SRFBP1: variants seen among roughly 807,000 people sequenced by gnomAD.
SRFBP1 encodes serum response factor binding protein 1, also known as serum response factor-binding protein 1.
In SRFBP1, 47 loss-of-function variants were observed where a neutral mutation model predicts 45.5. The observed-to-expected ratio is 1.03, with a 90% CI of 0.82 to 1.32. The LOEUF (loss-of-function observed/expected upper bound fraction) is 1.32, where lower values mean the gene tolerates loss of function less well. Among genes scored for constraint, SRFBP1 ranks in the 40% most tolerant of loss-of-function variants. SRFBP1 has a pLI of 0.00. For synonymous variants in SRFBP1, 203 were observed against 166.3 expected, an observed-to-expected ratio of 1.22 and a Z score of -1.70; for missense variants, 621 against 484.6, an observed-to-expected ratio of 1.28 and a Z score of -2.64.
At chr5:122,017,229 A>G (rs549821332) in intron 4 of SRFBP1, among the ~76,000 whole-genome samples, 2 of 152,190 alleles carry the variant, frequency 1.3e-5, no homozygotes, top group Admixed American at 6.5e-5. Context: ...GACTCCCAAC[A>G]ACAACAACAA....
chr5:122,037,963 T>A (rs1258187912), intron 2 of SRFBP1, among the ~76,000 whole-genome samples: 3 of 152,204 alleles, frequency 2.0e-5, no homozygotes, highest in Non-Finnish European at 4.4e-5. Flanking sequence ...GACTTAGGAA[T>A]TGCTTAATCC....
At chr5:121,987,602 C>CA (rs1752542953) in intron 3 of SRFBP1, among the ~76,000 whole-genome samples, 1 of 151,970 alleles carries the variant, frequency 6.6e-6, no homozygotes, top group African/African-American at 2.4e-5. Context: ...TCAAATAGAC[C>CA]AAAAATTTAG....
chr5:122,077,522 C>A (rs150023849), downstream of SRFBP1: 6 of 1,613,706 alleles, frequency 3.7e-6, no homozygotes, highest in Middle Eastern at 1.6e-4. This position sits in a 1 kb window ranked among gnomAD's most constrained non-coding sequence, Gnocchi z 4.9. Flanking sequence ...CCGCAGGTTA[C>A]TGAGCGCAGG....
intron 3 of SRFBP1, among the ~76,000 whole-genome samples, chr5:121,989,532 C>T (rs145624503): frequency 1.4e-4 from 22 of 152,310 alleles, no homozygotes; most frequent in Non-Finnish European, 1.2e-4. Context: ...AAGTGTGGTG[C>T]ATGCGGGACT....
chr5:122,065,425 A>G (rs1351136345), intron 2 of SRFBP1: 1 of 152,100 alleles, frequency 6.6e-6, no homozygotes, highest in East Asian at 1.9e-4. Flanking sequence ...CATTTTCTTG[A>G]ATTTAGGTAA....
At chr5:121,968,841 G>A (rs1214649234) in intron 1 of SRFBP1, among the ~76,000 whole-genome samples, 1 of 152,136 alleles carries the variant, frequency 6.6e-6, no homozygotes, top group African/African-American at 2.4e-5. Flanking sequence ...GGTAATTAAT[G>A]AATAAGCAGA....
chr5:122,022,638 C>G (rs772968261), intron 7 of SRFBP1, among the ~76,000 whole-genome samples: 1 of 152,150 alleles, frequency 6.6e-6, no homozygotes, highest in Non-Finnish European at 1.5e-5. Flanking sequence ...AATATTATGT[C>G]TATTTAACTT....
intron 4 of SRFBP1, among the ~76,000 whole-genome samples, chr5:122,013,027 T>G (rs1428129124): frequency 6.6e-6 from 1 of 152,100 alleles, no homozygotes; most frequent in Non-Finnish European, 1.5e-5. Flanking sequence ...ACTCTTGTTG[T>G]TTCTCATTTC....
At chr5:122,049,466 A>G (rs1399233486) in intron 2 of SRFBP1, among the ~76,000 whole-genome samples, 38 of 152,270 alleles carry the variant, frequency 2.5e-4, no homozygotes, top group Non-Finnish European at 4.4e-5. Flanking sequence ...AGACAGATCA[A>G]CGAGACAGAA....
intron 3 of SRFBP1, among the ~76,000 whole-genome samples, chr5:121,985,504 C>T (rs1752494440): frequency 6.6e-6 from 1 of 151,190 alleles, no homozygotes; most frequent in South Asian, 2.1e-4. Flanking sequence ...TTTTTTTAAT[C>T]TAGGTAATAG....
intron 2 of SRFBP1, among the ~76,000 whole-genome samples, chr5:122,060,137 AAAGT>A (rs1754147671): frequency 6.6e-6 from 1 of 152,030 alleles, no homozygotes; most frequent in Non-Finnish European, 1.5e-5. Context: ...AACGGGGAGG[AAAGT>A]AATATGGAAG....
chr5:122,072,814 T>A (rs949354531), intron 2 of SRFBP1, among the ~76,000 whole-genome samples: 1 of 152,232 alleles, frequency 6.6e-6, no homozygotes, highest in Non-Finnish European at 1.5e-5. Context: ...AGAAGTGCTA[T>A]AATGTCTACA....
intron 3 of SRFBP1, among the ~76,000 whole-genome samples, chr5:121,978,234 T>A (rs1752343978): frequency 6.6e-6 from 1 of 152,182 alleles, no homozygotes; most frequent in South Asian, 2.1e-4. Flanking sequence ...TCTTACAGAA[T>A]AAGAAACTCA....
At chr5:121,983,332 T>C (rs1218980169) in intron 3 of SRFBP1, among the ~76,000 whole-genome samples, 1 of 151,798 alleles carries the variant, frequency 6.6e-6, no homozygotes, top group Non-Finnish European at 1.5e-5. Flanking sequence ...ATCTTCAGAC[T>C]AATGTAATTG....
At chr5:121,966,238 A>G (rs909687090) in intron 1 of SRFBP1, among the ~76,000 whole-genome samples, 1 of 152,122 alleles carries the variant, frequency 6.6e-6, no homozygotes, top group Admixed American at 6.5e-5. Context: ...TTGTAAAGAG[A>G]TTAAGATTAA....
intron 3 of SRFBP1, among the ~76,000 whole-genome samples, chr5:121,981,887 A>G (rs1326109237): frequency 4.6e-5 from 7 of 151,946 alleles, no homozygotes; most frequent in African/African-American, 1.7e-4. Flanking sequence ...TACTCAATTA[A>G]TTGTTCCTAA....
At chr5:122,067,496 G>C (rs932015978) in intron 2 of SRFBP1, among the ~76,000 whole-genome samples, 10 of 152,070 alleles carry the variant, frequency 6.6e-5, no homozygotes, top group African/African-American at 2.4e-4. Flanking sequence ...AAAGCAATCA[G>C]TGAACTGATA....
At chr5:121,995,076 C>T (rs1265623924) in intron 4 of SRFBP1, among the ~76,000 whole-genome samples, 1 of 151,552 alleles carries the variant, frequency 6.6e-6, no homozygotes, top group East Asian at 1.9e-4. Flanking sequence ...GAGACTTTAA[C>T]ACCCCACTGT....
chr5:121,975,252 A>G, intron 2 of SRFBP1, 63 bp from the exon 3 acceptor site: 2 of 1,517,688 alleles, frequency 1.3e-6, no homozygotes, highest in South Asian at 1.1e-5. Context: ...GTGATTATCC[A>G]TTACACTATA....
Sources: allele counts gnomAD v4.1 joint callset (sites outside exome capture counted in the v4.1 genomes callset), GRCh38; gene constraint gnomAD v4.1.1; non-coding constraint Gnocchi (gnomAD v3.1); transcripts MANE v1.5; gene names NCBI Gene and HGNC (gene_info 2026-07-23, HGNC 2026-07-21).